Variants in PAK5 observed in about 807,000 individuals in gnomAD.
PAK5 encodes serine/threonine-protein kinase PAK 5.
A neutral mutation model predicts 65.9 loss-of-function variants in PAK5; 16 were observed. The observed-to-expected ratio is 0.24, with a 90% CI of 0.16 to 0.37. PAK5 has a LOEUF of 0.37. PAK5 is among the 10% of genes least tolerant of loss of function. The pLI is 1.00. For synonymous variants in PAK5, 371 were observed against 354.9 expected (o/e 1.05, Z -0.51); for missense variants, 785 against 903.9 (o/e 0.87, Z 1.69).
chr20:9,782,937 C>CT (rs1346539782), intron 1 of PAK5, among the ~76,000 whole-genome samples: 17 of 120,700 alleles, frequency 1.4e-4, no homozygotes, highest in South Asian at 5.9e-4. Context: ...TTTTTTTTTT[C>CT]TTTTTTTTTA....
chr20:9,822,308 A>AT (rs71184159), intron 1 of PAK5, among the ~76,000 whole-genome samples: 6 of 142,816 alleles, frequency 4.2e-5, no homozygotes, highest in Non-Finnish European at 7.7e-5. Flanking sequence ...AAAAAAAAAA[A>AT]GCAATTACAT....
intron 1 of PAK5, among the ~76,000 whole-genome samples, chr20:9,779,042 G>T (rs774182807): frequency 6.6e-6 from 1 of 151,904 alleles, no homozygotes; most frequent in African/African-American, 2.4e-5. Flanking sequence ...CAGATTTAGC[G>T]TCTCTTTTTT....
chr20:9,752,004 C>T (rs914400524), intron 1 of PAK5, among the ~76,000 whole-genome samples: 4 of 152,110 alleles, frequency 2.6e-5, no homozygotes, highest in African/African-American at 9.7e-5. Context: ...TTGTCTTTGA[C>T]TTTATGAAGC....
intron 3 of PAK5, among the ~76,000 whole-genome samples, chr20:9,618,163 G>A (rs1210259896): frequency 2.0e-5 from 3 of 152,034 alleles, no homozygotes; most frequent in Admixed American, 6.6e-5. Flanking sequence ...AACATACAGC[G>A]CTGGGCGACA....
chr20:9,609,396 G>A (rs1402866351), intron 3 of PAK5, among the ~76,000 whole-genome samples: 7 of 152,122 alleles, frequency 4.6e-5, no homozygotes, highest in South Asian at 2.1e-4. Flanking sequence ...GTTTAACCTC[G>A]CATAGGTGCC....
chr20:9,579,325 G>C (rs1049168232), intron 4 of PAK5, among the ~76,000 whole-genome samples: 15 of 152,080 alleles, frequency 9.9e-5, no homozygotes, highest in Non-Finnish European at 1.2e-4. Context: ...TAAATGACAG[G>C]GAAAAATAAA....
chr20:9,688,918 A>G (rs1325629741), intron 2 of PAK5, among the ~76,000 whole-genome samples: 1 of 152,178 alleles, frequency 6.6e-6, no homozygotes, highest in Non-Finnish European at 1.5e-5. Flanking sequence ...CAATTAATAT[A>G]AAGTACCACT....
At chr20:9,818,650 A>T (rs1271122862) in intron 1 of PAK5, 1 of 152,208 alleles carries the variant, frequency 6.6e-6, no homozygotes, top group Admixed American at 6.5e-5. Flanking sequence ...TTAATCTCTG[A>T]ATGGATGAAA....
chr20:9,607,114 T>C (rs762764955), intron 3 of PAK5, among the ~76,000 whole-genome samples: 30 of 152,168 alleles, frequency 2.0e-4, no homozygotes, highest in Non-Finnish European at 3.7e-4. Flanking sequence ...AAGAGTAACG[T>C]TGGAGTTGAA....
chr20:9,566,132 T>C lies in PAK5; in HGVS notation c.1243A>G (p.Ser415Gly). The C allele has an allele frequency of 6.2e-7, 1 of 1,613,858 alleles. No homozygotes were observed. Among genetic ancestry groups the C allele is most frequent in the South Asian group, 1.1e-5 (1 of 91,074 alleles). Residue 415 changes from serine to glycine, a missense_variant, in exon 5 of 10, where the codon AGC (serine) becomes GGC (glycine). Ser to Gly is a moderately conservative substitution (Grantham distance 56). Transcript: ENST00000353224. ...SLSSSTYPPP[S>G]WGSSSDQQPS... ...TGCTGGTCGGAGGAGGAGCCCCAGC[T>C]GGGCGGCGGGTAGGTGCTGGATGAG...
intron 2 of PAK5, among the ~76,000 whole-genome samples, chr20:9,669,958 G>A (rs1166246165): frequency 1.3e-5 from 2 of 151,442 alleles, no homozygotes; most frequent in African/African-American, 2.4e-5. Flanking sequence ...AGAGTGTGAT[G>A]TTCCCCTTCC....
chr20:9,672,012 G>A (rs966573965), intron 2 of PAK5, among the ~76,000 whole-genome samples: 3 of 152,006 alleles, frequency 2.0e-5, no homozygotes, highest in Non-Finnish European at 2.9e-5. Flanking sequence ...CCTAGTCTCT[G>A]AATGTGGAAT....
rs80143933 is a variant in PAK5 at position 9,790,806 on chromosome 20, G to T, written c.-162+47956C>A. ...GAGCCACTGCACCCAGTTGAATTTG[G>T]TTATTTTATACTTTGATCTTGAATA... On this transcript the variant is annotated intron_variant, in intron 1 of 9. Coordinates refer to ENST00000353224, the MANE Select transcript of PAK5 (RefSeq NM_177990.4). Among the ~76,000 whole-genome samples the T allele has an allele frequency of 8.1e-3, 1,226 of 152,168 alleles. 57 individuals carry two copies. The highest frequency in any genetic ancestry group is 0.07 in the Admixed American group (1,071 of 15,268).
At chr20:9,628,513 A>G (rs1025642343) in intron 3 of PAK5, among the ~76,000 whole-genome samples, 1 of 152,246 alleles carries the variant, frequency 6.6e-6, no homozygotes, top group African/African-American at 2.4e-5. Context: ...CAAAGCTTTC[A>G]TAACAAAATA....
At chr20:9,573,646 G>A (rs1418505863) in intron 4 of PAK5, among the ~76,000 whole-genome samples, 1 of 152,186 alleles carries the variant, frequency 6.6e-6, no homozygotes, top group Non-Finnish European at 1.5e-5. Flanking sequence ...AGGGGAGGGT[G>A]AGAGAAAGAA....
intron 2 of PAK5, among the ~76,000 whole-genome samples, chr20:9,695,450 A>T (rs551041038): frequency 5.3e-4 from 80 of 152,198 alleles, no homozygotes; most frequent in Non-Finnish European, 9.9e-4. Flanking sequence ...TCATAAATAC[A>T]TTATCCTGCT....
intron 1 of PAK5, among the ~76,000 whole-genome samples, chr20:9,739,141 CAA>C (rs745807422): frequency 1.4e-4 from 22 of 152,036 alleles, no homozygotes; most frequent in Non-Finnish European, 2.8e-4. Flanking sequence ...GTAATATATG[CAA>C]AGTCTCTCAA....
chr20:9,675,181 C>A (rs1367290067), intron 2 of PAK5, among the ~76,000 whole-genome samples: 1 of 152,000 alleles, frequency 6.6e-6, no homozygotes, highest in Non-Finnish European at 1.5e-5. Context: ...GTAGACAGAA[C>A]TAAATATATA....
At chr20:9,750,980 T>C (rs2123617142) in intron 1 of PAK5, among the ~76,000 whole-genome samples, 1 of 152,308 alleles carries the variant, frequency 6.6e-6, no homozygotes, top group East Asian at 1.9e-4. Flanking sequence ...TATGGCATTT[T>C]TGGCTTCTGC....
Sources: gnomAD v4.1 joint callset for allele counts (sites outside exome capture counted in the v4.1 genomes callset) on GRCh38, gnomAD v4.1.1 for gene constraint, MANE v1.5 for transcripts, NCBI Gene and HGNC (gene_info 2026-07-23, HGNC 2026-07-21) for gene names.